The following H1-3 variants were observed in gnomAD, a reference collection of about 807,000 sequenced individuals.
The protein encoded by H1-3 is histone H1.3.
In H1-3, 4 loss-of-function variants were observed where a neutral mutation model predicts 3.6. The ratio of observed to expected loss-of-function variants is 1.12; its 90% CI spans 0.55 to 2.57. The LOEUF (loss-of-function observed/expected upper bound fraction) is 2.57, where lower values mean the gene tolerates loss of function less well. Ranked by LOEUF, H1-3 falls within the 30% of genes most tolerant of loss-of-function variation. The pLI is 0.02. For synonymous variants in H1-3, 266 were observed against 110.0 expected (o/e 2.42, Z -8.87); for missense variants, 670 against 274.3 (o/e 2.44, Z -10.19).
Position 26,234,553 on chromosome 6 carries a change from G to A in H1-3, c.381C>T (p.Ala127=), listed in dbSNP as rs753815669. 2 of 1,612,650 alleles carry A rather than the reference G, an allele frequency of 1.2e-6. No homozygotes were observed. Among genetic ancestry groups the A allele is most frequent in the Non-Finnish European group, 1.7e-6 (2 of 1,179,760 alleles). ...GKPKAKKAGA[A]KPRKPAGAAK... is the part of the protein sequence containing the mutation. ...CTGCCCCAGCAGGCTTCCTAGGCTT[G>A]GCTGCGCCAGCCTTTTTGGCCTTGG... The change falls in exon 1 of 1, where the codon GCC becomes GCT. Residue 127 remains alanine, a synonymous_variant. Coordinates refer to ENST00000244534, the MANE Select transcript of H1-3 (RefSeq NM_005320.3).
At position 26,234,295 on chromosome 6, in the gene H1-3, T is replaced by TG; in HGVS notation, c.638dup (p.Lys215GlufsTer?). ...ACTTTTTCTTCGGAGCTGCCTTCTTTGCCTTTGTAACCTTCGGCTTCCCCG... is the reference window on the plus strand; with the variant it reads ...ACTTTTTCTTCGGAGCTGCCTTCTTTGGCCTTTGTAACCTTCGGCTTCCCCG... On this transcript the variant is annotated frameshift_variant, in exon 1 of 1. Coordinates refer to ENST00000244534, the MANE Select transcript of H1-3 (RefSeq NM_005320.3). LOFTEE classifies it high-confidence loss of function. 6.2e-7 allele frequency: 1 copy of TG among 1,602,912 alleles called. No individual in the cohort carries two copies.
At position 26,234,747 on chromosome 6, in the gene H1-3, G is replaced by C. The variant is rs770792589; in HGVS notation, c.187C>G (p.Leu63Val). The C allele has an allele frequency of 2.5e-6, 4 of 1,614,084 alleles. No individual in the cohort carries two copies. The South Asian group carries it at 4.4e-5, about 18-fold the overall frequency. Residue 63 changes from leucine (L) to valine (V), a missense_variant, in exon 1 of 1, where the codon CTT becomes GTT. Physicochemically the swap from Leu to Val is conservative, Grantham distance 32. Coordinates refer to ENST00000244534, the MANE Select transcript of H1-3 (RefSeq NM_005320.3). Reference sequence around the variant, plus strand: ...CCAGCAGCCGCAAGCGCTTTCTTAAGCGCGGCCAGAGAAACGCCGCTGCGC... The same window carrying C: ...CCAGCAGCCGCAAGCGCTTTCTTAACCGCGGCCAGAGAAACGCCGCTGCGC... ...KERSGVSLAA[L>V]KKALAAAGYD...
In H1-3 at chr6:26,234,545, C is replaced by CTAG. The variant is rs112515836; in HGVS notation, c.386_388dup (p.Pro129_Arg130insThr). The CTAG allele has an allele frequency of 2.5e-3, 3,957 of 1,612,892 alleles. 45 individuals are homozygous for CTAG. The African/African-American group carries it at 0.032, about 13-fold the overall frequency. On this transcript the variant is annotated inframe_insertion, in exon 1 of 1. Coordinates refer to ENST00000244534, the MANE Select transcript of H1-3 (RefSeq NM_005320.3). ...CTTCTTGGCTGCCCCAGCAGGCTTCCTAGGCTTGGCTGCGCCAGCCTTTTT... is the reference window on the plus strand; with the variant it reads ...CTTCTTGGCTGCCCCAGCAGGCTTCCTAGTAGGCTTGGCTGCGCCAGCCTTTTT...
Position 26,234,903 on chromosome 6 carries a change from T to G in H1-3, c.31A>C (p.Ile11Leu), listed in dbSNP as rs200015980. Residue 11 changes from isoleucine (I) to leucine (L), a missense_variant, in exon 1 of 1, where the codon ATT (isoleucine) becomes CTT (leucine). Physicochemically the swap from Ile to Leu is conservative, Grantham distance 5. Coordinates refer to ENST00000244534, the MANE Select transcript of H1-3 (RefSeq NM_005320.3). ...GGTGTTTTTTCTGCGGGTGCAGGAA[T>G]GGTAGGAGCAAGTGGAGCAGTCTCC... MSETAPLAPT[I>L]PAPAEKTPVK... The G allele has an allele frequency of 1.2e-6, 2 of 1,611,336 alleles. No individual in the cohort carries two copies. Among genetic ancestry groups the G allele is most frequent in the Non-Finnish European group, 1.7e-6 (2 of 1,179,184 alleles).
In H1-3 at chr6:26,234,749, G is replaced by A. The variant is rs759908465; in HGVS notation, c.185C>T (p.Ala62Val). The change falls in exon 1 of 1, where the codon GCG becomes GTG. Residue 62 changes from alanine (A) to valine (V), a missense_variant. Ala to Val is a moderately conservative substitution (Grantham distance 64). Transcript: ENST00000244534. ...AGCAGCCGCAAGCGCTTTCTTAAGC[G>A]CGGCCAGAGAAACGCCGCTGCGCTC... The part of the protein sequence containing the change: ...SKERSGVSLA[A>V]LKKALAAAGY... 1 of 1,614,068 alleles carries A rather than the reference G, an allele frequency of 6.2e-7. No individual in the cohort carries two copies. Among genetic ancestry groups the A allele is most frequent in the Non-Finnish European group, 8.5e-7 (1 of 1,180,010 alleles).
Position 26,234,294 on chromosome 6 carries a change from T to G in H1-3, c.640A>C (p.Lys214Gln), listed in dbSNP as rs1229871737. 5.0e-6 allele frequency: 8 copies of G among 1,602,780 alleles called. No individual in the cohort carries two copies. Among genetic ancestry groups the G allele is most frequent in the Non-Finnish European group, 6.8e-6 (8 of 1,176,894 alleles). Residue 214 changes from lysine (K) to glutamine (Q), a missense_variant, in exon 1 of 1, where the codon AAG becomes CAG. Transcript: ENST00000244534. ...CACTTTTTCTTCGGAGCTGCCTTCT[T>G]TGCCTTTGTAACCTTCGGCTTCCCC... is the stretch of plus-strand genomic sequence containing the variant. ...KSGKPKVTKA[K>Q]KAAPKKK
Position 26,234,715 on chromosome 6 carries a change from A to C in H1-3, c.219T>G (p.Asp73Glu). 1.2e-6 allele frequency: 2 copies of C among 1,613,600 alleles called. No individual in the cohort carries two copies. The highest frequency in any genetic ancestry group is 1.7e-6 in the Non-Finnish European group (2 of 1,179,888). ...LKKALAAAGY[D>E]VEKNNSRIKL... ...TGATACGGCTGTTGTTTTTTTCTAC[A>C]TCGTAGCCAGCAGCCGCAAGCGCTT... is the stretch of plus-strand genomic sequence containing the variant. Residue 73 changes from aspartate (D) to glutamate (E), a missense_variant, in exon 1 of 1, where the codon GAT becomes GAG. Physicochemically the swap from Asp to Glu is conservative, Grantham distance 45. Transcript: ENST00000244534.
Position 26,234,871 on chromosome 6 carries a change from C to T in H1-3, c.63G>A (p.Lys21=), listed in dbSNP as rs752852087. ...TTGCGCCTGCCTTCTTCGCCTTTTT[C>T]TTCACAGGTGTTTTTTCTGCGGGTG... ...IPAPAEKTPV[K]KKAKKAGATA... The change falls in exon 1 of 1, where the codon AAG becomes AAA. Residue 21 remains lysine (K), a synonymous_variant. Coordinates refer to ENST00000244534, the MANE Select transcript of H1-3 (RefSeq NM_005320.3). 3.0e-5 allele frequency: 48 copies of T among 1,613,620 alleles called. No homozygotes were observed. Among genetic ancestry groups the T allele is most frequent in the African/African-American group, 8.0e-5 (6 of 74,862 alleles).
rs754045433 is a variant in H1-3 at position 26,234,350 on chromosome 6, G to A, written c.584C>T (p.Ala195Val). The A allele has an allele frequency of 1.8e-5, 29 of 1,614,134 alleles. No homozygotes were observed. The highest frequency in any genetic ancestry group is 2.4e-5 in the Non-Finnish European group (28 of 1,180,044). ...AGGCTTGGCCGCCTTGGGCTTAGGG[G>A]CTTTGGCCTTAGCTGGACTCTTGGC... ...KAAKSPAKAK[A>V]PKPKAAKPKS... The change falls in exon 1 of 1, where the codon GCC (alanine) becomes GTC (valine). Residue 195 changes from alanine to valine, a missense_variant. Ala to Val is a moderately conservative substitution (Grantham distance 64). Coordinates refer to ENST00000244534, the MANE Select transcript of H1-3 (RefSeq NM_005320.3).
chr6:26,234,900 G>A lies in H1-3; in HGVS notation c.34C>T (p.Pro12Ser), dbSNP rs376631713. Reference sequence around the variant, plus strand: ...ACAGGTGTTTTTTCTGCGGGTGCAGGAATGGTAGGAGCAAGTGGAGCAGTC... The same window carrying A: ...ACAGGTGTTTTTTCTGCGGGTGCAGAAATGGTAGGAGCAAGTGGAGCAGTC... ...SETAPLAPTIPAPAEKTPVKK... is the reference protein window; with the variant it reads ...SETAPLAPTISAPAEKTPVKK... Residue 12 changes from proline to serine, a missense_variant, in exon 1 of 1, where the codon CCT (proline) becomes TCT (serine). By Grantham distance (74) the Pro-to-Ser change is moderately conservative. Coordinates refer to ENST00000244534, the MANE Select transcript of H1-3 (RefSeq NM_005320.3). 50 of 1,611,974 alleles carry A rather than the reference G, an allele frequency of 3.1e-5. No homozygotes were observed. Among genetic ancestry groups the A allele is most frequent in the Admixed American group, 6.7e-5 (4 of 59,408 alleles).
Position 26,234,976 on chromosome 6 carries a change from T to A in H1-3, c.-43A>T. 1 of 1,535,970 alleles carries A rather than the reference T, an allele frequency of 6.5e-7. No individual in the cohort carries two copies. Among genetic ancestry groups the A allele is most frequent in the Non-Finnish European group, 8.8e-7 (1 of 1,137,680 alleles). Reference sequence around the variant, plus strand: ...AAAGACAATAAGTAATCTCAAACTGTCAGAACAGCATGTCCTCTACGAGGG... The same window carrying A: ...AAAGACAATAAGTAATCTCAAACTGACAGAACAGCATGTCCTCTACGAGGG... On this transcript the variant is annotated 5_prime_UTR_variant, in exon 1 of 1. An upstream open reading frame in the 5' UTR loses its in-frame stop. Transcript: ENST00000244534.
Position 26,234,597 on chromosome 6 carries a change from C to A in H1-3, c.337G>T (p.Ala113Ser), listed in dbSNP as rs147157401. ...SGSFKLNKKA[A>S]SGEGKPKAKK... Reference sequence around the variant, plus strand: ...GCCTTGGGTTTGCCTTCCCCGGAAGCCGCTTTCTTGTTGAGTTTGAAGGAG... The same window carrying A: ...GCCTTGGGTTTGCCTTCCCCGGAAGACGCTTTCTTGTTGAGTTTGAAGGAG... Residue 113 changes from alanine (A) to serine (S), a missense_variant, in exon 1 of 1, where the codon GCT becomes TCT. Transcript: ENST00000244534. The A allele has an allele frequency of 6.2e-7, 1 of 1,613,976 alleles. No homozygotes were observed. Among genetic ancestry groups the A allele is most frequent in the South Asian group, 1.1e-5 (1 of 91,074 alleles).
In H1-3 at chr6:26,234,347, G is replaced by C. The variant is rs760492911; in HGVS notation, c.587C>G (p.Pro196Arg). The change falls in exon 1 of 1, where the codon CCT (proline) becomes CGT (arginine). Residue 196 changes from proline to arginine, a missense_variant. Physicochemically the swap from Pro to Arg is moderately radical, Grantham distance 103 (BLOSUM62 -2). Transcript: ENST00000244534. ...AAKSPAKAKAPKPKAAKPKSG... is the reference protein window; with the variant it reads ...AAKSPAKAKARKPKAAKPKSG... ...CTTAGGCTTGGCCGCCTTGGGCTTAGGGGCTTTGGCCTTAGCTGGACTCTT... is the reference window on the plus strand; with the variant it reads ...CTTAGGCTTGGCCGCCTTGGGCTTACGGGCTTTGGCCTTAGCTGGACTCTT... 5.6e-6 allele frequency: 9 copies of C among 1,614,132 alleles called. No homozygotes were observed. The highest frequency in any genetic ancestry group is 1.1e-5 in the South Asian group (1 of 91,092).
Position 26,234,492 on chromosome 6 carries a change from G to C in H1-3, c.442C>G (p.Pro148Ala), listed in dbSNP as rs558403370. The change falls in exon 1 of 1, where the codon CCG (proline) becomes GCG (alanine). Residue 148 changes from proline to alanine, a missense_variant. Physicochemically the swap from Pro to Ala is conservative, Grantham distance 27. Transcript: ENST00000244534. ...GGAGTCTTTTTGATGCTTTTCTTCG[G>C]GGTAGCGGCGCCAGCCACCTTCTTG... ...KPKKVAGAAT[P>A]KKSIKKTPKK... is the part of the protein sequence containing the mutation. 4 of 1,613,900 alleles carry C rather than the reference G, an allele frequency of 2.5e-6. No individual in the cohort carries two copies. In the Admixed American group the frequency reaches 5.0e-5, roughly 20 times the overall value.
Position 26,234,769 on chromosome 6 carries a change from G to A in H1-3, c.165C>T (p.Arg55=), listed in dbSNP as rs752285481. Residue 55 remains arginine (R), a synonymous_variant, in exon 1 of 1, where the codon CGC becomes CGT. Transcript: ENST00000244534. The stretch of plus-strand genomic sequence containing the variant: ...TAAGCGCGGCCAGAGAAACGCCGCT[G>A]CGCTCCTTAGAAGCTGCCACTGCCT... The part of the protein sequence containing the change: ...ITKAVAASKE[R]SGVSLAALKK... The A allele has an allele frequency of 1.2e-5, 19 of 1,614,214 alleles. No individual in the cohort carries two copies. The highest frequency in any genetic ancestry group is 5.5e-5 in the South Asian group (5 of 91,086).
At position 26,234,757 on chromosome 6, in the gene H1-3, A is replaced by T. The variant is rs1759750836; in HGVS notation, c.177T>A (p.Ser59=). 1.2e-6 allele frequency: 2 copies of T among 1,614,182 alleles called. No homozygotes were observed. The highest frequency in any genetic ancestry group is 1.7e-6 in the Non-Finnish European group (2 of 1,180,036). Residue 59 remains serine (S), a synonymous_variant, in exon 1 of 1, where the codon TCT becomes TCA. Coordinates refer to ENST00000244534, the MANE Select transcript of H1-3 (RefSeq NM_005320.3). ...CAAGCGCTTTCTTAAGCGCGGCCAG[A>T]GAAACGCCGCTGCGCTCCTTAGAAG... is the stretch of plus-strand genomic sequence containing the variant. ...VAASKERSGV[S]LAALKKALAA... is the part of the protein sequence containing the mutation.
chr6:26,234,641 T>C lies in H1-3; in HGVS notation c.293A>G (p.Lys98Arg). 1 of 1,614,178 alleles carries C rather than the reference T, an allele frequency of 6.2e-7. No homozygotes were observed. Among genetic ancestry groups the C allele is most frequent in the Non-Finnish European group, 8.5e-7 (1 of 1,180,026 alleles). Residue 98 changes from lysine (K) to arginine (R), a missense_variant, in exon 1 of 1, where the codon AAA becomes AGA. Coordinates refer to ENST00000244534, the MANE Select transcript of H1-3 (RefSeq NM_005320.3). ...LVSKGTLVQT[K>R]GTGASGSFKL... ...GAAGGAGCCAGAAGCACCGGTACCTTTGGTCTGCACCAGAGTACCTTTGCT... is the reference window on the plus strand; with the variant it reads ...GAAGGAGCCAGAAGCACCGGTACCTCTGGTCTGCACCAGAGTACCTTTGCT...
Position 26,234,956 on chromosome 6 carries a change from C to T in H1-3, c.-23G>A, listed in dbSNP as rs1759764536. 1 of 1,575,108 alleles carries T rather than the reference C, an allele frequency of 6.3e-7. No homozygotes were observed. Among genetic ancestry groups the T allele is most frequent in the Non-Finnish European group, 8.6e-7 (1 of 1,163,914 alleles). On this transcript the variant is annotated 5_prime_UTR_variant, in exon 1 of 1. Coordinates refer to ENST00000244534, the MANE Select transcript of H1-3 (RefSeq NM_005320.3). ...CATGTTTTTGTCTTCCCAGAAAAGA[C>T]AATAAGTAATCTCAAACTGTCAGAA...
Position 26,234,343 on chromosome 6 carries a change from C to A in H1-3, c.591G>T (p.Lys197Asn), listed in dbSNP as rs1168718516. Residue 197 changes from lysine to asparagine, a missense_variant, in exon 1 of 1, where the codon AAG becomes AAT. By Grantham distance (94) the Lys-to-Asn change is moderately conservative (BLOSUM62 0). Coordinates refer to ENST00000244534, the MANE Select transcript of H1-3 (RefSeq NM_005320.3). ...CCGACTTAGGCTTGGCCGCCTTGGG[C>A]TTAGGGGCTTTGGCCTTAGCTGGAC... Reference protein sequence around the residue: ...AKSPAKAKAPKPKAAKPKSGK... With the variant: ...AKSPAKAKAPNPKAAKPKSGK... 1.2e-6 allele frequency: 2 copies of A among 1,614,208 alleles called. No individual in the cohort carries two copies. Among genetic ancestry groups the A allele is most frequent in the Non-Finnish European group, 1.7e-6 (2 of 1,180,030 alleles).
Sources: allele counts gnomAD v4.1 joint callset, GRCh38; gene constraint gnomAD v4.1.1; transcripts MANE v1.5; gene names NCBI Gene and HGNC (gene_info 2026-07-23, HGNC 2026-07-21).